AK8: variants seen among roughly 807,000 people sequenced by gnomAD.
AK8 encodes adenylate kinase 8.
AK8 carries 44 observed loss-of-function variants against 54.6 expected under a neutral mutation model. That is an observed-to-expected ratio of 0.81 (90% confidence interval 0.63 to 1.04). The LOEUF (loss-of-function observed/expected upper bound fraction) is 1.04. AK8 is among the 50% of genes least tolerant of loss of function. AK8 has a pLI of 0.00. For synonymous variants in AK8, 239 were observed against 245.6 expected (o/e 0.97, Z 0.25); for missense variants, 555 against 613.6 (o/e 0.90, Z 1.01).
chr9:132,875,120 T>A lies in AK8; in HGVS notation c.164A>T (p.Asp55Val). 1 of 1,614,104 alleles carries A rather than the reference T, an allele frequency of 6.2e-7. No homozygotes were observed. The highest frequency in any genetic ancestry group is 2.2e-5 in the East Asian group (1 of 44,874). ...FMIQHLHRDN[D>V]NVPRIVILGP... The stretch of plus-strand genomic sequence containing the variant: ...GAGCCCCAGCCAGTGCTCACCATTG[T>A]CGTTGTCTCTATGCAAGTGCTGGAT... Residue 55 changes from aspartate to valine, a missense_variant, in exon 2 of 13, where the codon GAC becomes GTC. Physicochemically the swap from Asp to Val is radical, Grantham distance 152. Transcript: ENST00000298545.
At chr9:132,732,869 CCA>C (rs1259852471) in intron 11 of AK8, among the ~76,000 whole-genome samples, 1 of 152,162 alleles carries the variant, frequency 6.6e-6, no homozygotes. Flanking sequence ...CATCATATAT[CCA>C]GTTTTTCCAG....
chr9:132,874,025 G>A (rs1447159445), intron 2 of AK8, among the ~76,000 whole-genome samples: 1 of 152,184 alleles, frequency 6.6e-6, no homozygotes, highest in Non-Finnish European at 1.5e-5. Context: ...GGGGTCCCAA[G>A]GCCACCCCAG....
upstream of AK8, chr9:132,878,659 A>C: frequency 2.0e-6 from 2 of 1,003,718 alleles, no homozygotes; most frequent in Non-Finnish European, 2.4e-6. This position sits in a 1 kb window ranked among gnomAD's most constrained non-coding sequence, Gnocchi z 4.7. Context: ...CATCTTTAAA[A>C]CAGACGCGGG....
At chr9:132,821,331 G>A (rs13300092) in intron 9 of AK8, among the ~76,000 whole-genome samples, 15,479 of 152,056 alleles carry the variant, frequency 0.1, 1,089 homozygotes, top group Non-Finnish European at 0.15. Context: ...AAGTGATGCC[G>A]CCACAGGTAG....
chr9:132,778,633 TG>T lies in AK8; in HGVS notation c.1121+14000del, dbSNP rs1839328379. ...CAAAGTCATTATCCAAGGGTTTCAA[TG>T]TGTTGTCCCCCAAAAGAAATTGTCA... is the stretch of plus-strand genomic sequence containing the variant. On this transcript the variant is annotated intron_variant, in intron 11 of 12. Coordinates refer to ENST00000298545, the MANE Select transcript of AK8 (RefSeq NM_152572.3). Among the ~76,000 whole-genome samples, 4 of 152,220 alleles carry T rather than the reference TG, an allele frequency of 2.6e-5. No homozygotes were observed. The South Asian group carries it at 8.3e-4, about 31-fold the overall frequency.
chr9:132,840,113 C>T (rs971084239), intron 5 of AK8, among the ~76,000 whole-genome samples: 3 of 152,200 alleles, frequency 2.0e-5, no homozygotes, highest in East Asian at 1.9e-4. Flanking sequence ...CCACTGCGCC[C>T]GGCCCCAGTC....
intron 11 of AK8, among the ~76,000 whole-genome samples, chr9:132,768,506 A>T (rs928328982): frequency 2.0e-5 from 3 of 152,186 alleles, no homozygotes; most frequent in Admixed American, 2.0e-4. Context: ...ACCTCAGGTG[A>T]TCTGCCCACC....
At chr9:132,836,170 T>C (rs911738551) in intron 5 of AK8, among the ~76,000 whole-genome samples, 2 of 152,130 alleles carry the variant, frequency 1.3e-5, no homozygotes, top group African/African-American at 2.4e-5. Flanking sequence ...GCACCTGTAG[T>C]CCCAGCTTCT....
intron 10 of AK8, among the ~76,000 whole-genome samples, chr9:132,793,780 C>T (rs934100687): frequency 6.6e-6 from 1 of 152,164 alleles, no homozygotes; most frequent in Non-Finnish European, 1.5e-5. Context: ...CTGCACTTTG[C>T]ACTCATTTTT....
intron 9 of AK8, among the ~76,000 whole-genome samples, chr9:132,822,922 G>A (rs879386717): frequency 2.6e-5 from 4 of 152,062 alleles, no homozygotes; most frequent in South Asian, 2.1e-4. Flanking sequence ...CAAACCCCCC[G>A]CTCCAAAGGA....
rs748863540 is a variant in AK8 at position 132,826,913 on chromosome 9, T to G, written c.698A>C (p.Tyr233Ser). 1.9e-6 allele frequency: 3 copies of G among 1,614,130 alleles called. No individual in the cohort carries two copies. The highest frequency in any genetic ancestry group is 2.2e-5 in the East Asian group (1 of 44,878). Residue 233 changes from tyrosine (Y) to serine (S), a missense_variant, in exon 8 of 13, where the codon TAC becomes TCC. Physicochemically the swap from Tyr to Ser is moderately radical, Grantham distance 144. Transcript: ENST00000298545. This position sits in a 1 kb window ranked among gnomAD's most constrained non-coding sequence, Gnocchi z 4.5. ...HRNIVRVIPS[Y>S]PKILKVISAD... is the part of the protein sequence containing the mutation. ...ACTGATGACTTTGAGGATTTTGGGGTAGGAGGGAATGACCCTGACGATGTT... is the reference window on the plus strand; with the variant it reads ...ACTGATGACTTTGAGGATTTTGGGGGAGGAGGGAATGACCCTGACGATGTT...
Position 132,791,064 on chromosome 9 carries a change from C to G in AK8, c.1121+1570G>C, listed in dbSNP as rs960356502. ...CAAACTGTAACGGATTGTATTAGTC[C>G]GTTTCACACTGCTATAAACAACTAC... On this transcript the variant is annotated intron_variant, in intron 11 of 12. Coordinates refer to ENST00000298545, the MANE Select transcript of AK8 (RefSeq NM_152572.3). This position sits in a 1 kb window ranked among gnomAD's most constrained non-coding sequence, Gnocchi z 4.0. Among the ~76,000 whole-genome samples the G allele has an allele frequency of 1.3e-5, 2 of 152,088 alleles. No homozygotes were observed. The highest frequency in any genetic ancestry group is 2.9e-5 in the Non-Finnish European group (2 of 68,028).
Position 132,823,296 on chromosome 9 carries a change from C to T in AK8, c.798G>A (p.Pro266=), listed in dbSNP as rs142140228. 1.1e-5 allele frequency: 18 copies of T among 1,613,352 alleles called. No homozygotes were observed. The African/African-American group carries it at 1.3e-4, about 12-fold the overall frequency. ...CGAGCAGCAGCACCCTCGGGGTGAA[C>T]GGGGCATTAGTACGATGGTTGCTTT... ...YVQSNHRTNA[P]FTPRVLLLGP... The change falls in exon 9 of 13, where the codon CCG becomes CCA. Residue 266 remains proline (P), a synonymous_variant. Coordinates refer to ENST00000298545, the MANE Select transcript of AK8 (RefSeq NM_152572.3).
intron 5 of AK8, among the ~76,000 whole-genome samples, chr9:132,835,406 T>A (rs537635138): frequency 7.9e-5 from 12 of 152,328 alleles, no homozygotes; most frequent in African/African-American, 2.6e-4. Context: ...TAATGTGCTT[T>A]AGATGAAAGT....
chr9:132,807,360 A>G (rs1273790799), intron 10 of AK8, among the ~76,000 whole-genome samples: 1 of 152,230 alleles, frequency 6.6e-6, no homozygotes, highest in Admixed American at 6.5e-5. Context: ...CGGGCTCCTG[A>G]CCATGCAGTT....
At chr9:132,765,572 G>T (rs1838693401) in intron 11 of AK8, among the ~76,000 whole-genome samples, 1 of 152,140 alleles carries the variant, frequency 6.6e-6, no homozygotes, top group South Asian at 2.1e-4. Context: ...TTGAGCCCTG[G>T]AGTTCAAGAC....
chr9:132,826,213 C>T lies in AK8; in HGVS notation c.757+641G>A, dbSNP rs956518971. ...TTTAGCGATGCCAAAACTAGGGCTC[C>T]GAGGAGTTAGGAGAAGTGCCAGAGG... On this transcript the variant is annotated intron_variant, in intron 8 of 12. Coordinates refer to ENST00000298545, the MANE Select transcript of AK8 (RefSeq NM_152572.3). This position sits in a 1 kb window ranked among gnomAD's most constrained non-coding sequence, Gnocchi z 4.5. 1.3e-4 allele frequency among the ~76,000 whole-genome samples: 20 copies of T among 152,196 alleles called. No individual in the cohort carries two copies. The highest frequency in any genetic ancestry group is 4.8e-4 in the African/African-American group (20 of 41,530).
chr9:132,870,478 G>A (rs1374565442), intron 2 of AK8, among the ~76,000 whole-genome samples: 1 of 152,222 alleles, frequency 6.6e-6, no homozygotes, highest in African/African-American at 2.4e-5. Context: ...AGGTATTGGA[G>A]CTCTAATACA....
At chr9:132,850,114 C>T (rs1353655474) in intron 5 of AK8, among the ~76,000 whole-genome samples, 2 of 139,108 alleles carry the variant, frequency 1.4e-5, no homozygotes, top group Non-Finnish European at 3.0e-5. Context: ...AGTGCAGTGG[C>T]GTGATGTCGG....
Sources: allele counts gnomAD v4.1 joint callset (sites outside exome capture counted in the v4.1 genomes callset), GRCh38; gene constraint gnomAD v4.1.1; non-coding constraint Gnocchi (gnomAD v3.1); transcripts MANE v1.5; gene names NCBI Gene and HGNC (gene_info 2026-07-23, HGNC 2026-07-21).